CWF19L2: variants seen among roughly 807,000 people sequenced by gnomAD.
The protein encoded by CWF19L2 is CWF19 like cell cycle control factor 2.
A neutral mutation model predicts 111.7 loss-of-function variants in CWF19L2; 98 were observed. The ratio of observed to expected loss-of-function variants is 0.88; its 90% confidence interval spans 0.75 to 1.04. The LOEUF (loss-of-function observed/expected upper bound fraction) is 1.04, where lower values mean the gene tolerates loss of function less well. Ranked by LOEUF, CWF19L2 falls within the 50% of genes least tolerant of loss-of-function variation. CWF19L2 has a pLI of 0.00. For synonymous variants in CWF19L2, 351 were observed against 342.9 expected (o/e 1.02, Z -0.26); for missense variants, 1,101 against 1,051.4 (o/e 1.05, Z -0.65).
chr11:107,453,203 T>A (rs2135431158), intron 3 of CWF19L2, among the ~76,000 whole-genome samples: 1 of 152,260 alleles, frequency 6.6e-6, no homozygotes, highest in Admixed American at 6.5e-5. Flanking sequence ...ACACGAGACA[T>A]TACACAGTAG....
At chr11:107,329,523 T>A (rs1013975274) in intron 17 of CWF19L2, among the ~76,000 whole-genome samples, 2 of 152,188 alleles carry the variant, frequency 1.3e-5, no homozygotes, top group Admixed American at 1.3e-4. Flanking sequence ...AGTTTCTTCA[T>A]CTGTAAAGTG....
At chr11:107,378,758 A>G (rs369152316) in intron 12 of CWF19L2, among the ~76,000 whole-genome samples, 3 of 152,234 alleles carry the variant, frequency 2.0e-5, no homozygotes, top group South Asian at 2.1e-4. Flanking sequence ...CCTAAAGCTT[A>G]AAGTATAATA....
chr11:107,406,776 T>A (rs1861084404), intron 10 of CWF19L2, among the ~76,000 whole-genome samples: 1 of 151,674 alleles, frequency 6.6e-6, no homozygotes, highest in African/African-American at 2.4e-5. Context: ...TCTATTTATT[T>A]TTTATTTTCT....
Position 107,416,271 on chromosome 11 carries a change from G to T in CWF19L2, c.1555C>A (p.Leu519Ile). The stretch of plus-strand genomic sequence containing the variant: ...TCTTTGAATTTATTTGCCTTTTCAA[G>T]TTGAACTTTAAGTTGTTCAGCTAAT... ...MELAEQLKVQ[L>I]EKANKFKETI... The change falls in exon 10 of 18, where the codon CTT (leucine) becomes ATT (isoleucine). Residue 519 changes from leucine to isoleucine, a missense_variant. By Grantham distance (5) the Leu-to-Ile change is conservative. Transcript: ENST00000282251. 6.7e-7 allele frequency: 1 copy of T among 1,483,394 alleles called. No individual in the cohort carries two copies. The highest frequency in any genetic ancestry group is 9.0e-7 in the Non-Finnish European group (1 of 1,105,740). 91.9% of individuals were successfully genotyped at this position (1,483,394 alleles called of 1,614,324 possible). A position where few individuals can be genotyped will look rare whatever the true frequency, so the allele number is the denominator to read the frequency against.
intron 1 of CWF19L2, 75 bp from the exon 2 acceptor site, chr11:107,455,851 C>A: frequency 2.5e-6 from 2 of 805,928 alleles, no homozygotes. Flanking sequence ...AAAACAAAAA[C>A]CTCTGTCATT....
chr11:107,376,499 G>A (rs1272380278), intron 12 of CWF19L2, among the ~76,000 whole-genome samples: 4 of 81,544 alleles, frequency 4.9e-5, no homozygotes, highest in African/African-American at 1.5e-4. Flanking sequence ...TATAAACAGA[G>A]CCAAAGACAA....
intron 12 of CWF19L2, among the ~76,000 whole-genome samples, chr11:107,386,355 T>C (rs1351583028): frequency 2.6e-5 from 4 of 152,216 alleles, no homozygotes; most frequent in Admixed American, 1.3e-4. Context: ...TACATCTGTA[T>C]ACTAATACTC....
At chr11:107,452,850 A>C (rs1565291459) in intron 3 of CWF19L2, among the ~76,000 whole-genome samples, 2 of 152,106 alleles carry the variant, frequency 1.3e-5, no homozygotes, top group South Asian at 2.1e-4. Flanking sequence ...TCTGTACTAC[A>C]TCTGTAGTCA....
At chr11:107,456,698 C>T (rs891963650) in intron 1 of CWF19L2, among the ~76,000 whole-genome samples, 3 of 151,970 alleles carry the variant, frequency 2.0e-5, no homozygotes, top group Admixed American at 6.6e-5. Context: ...GTCCAACATT[C>T]TGCAGCTAGC....
chr11:107,397,652 C>T (rs978165506), intron 10 of CWF19L2, among the ~76,000 whole-genome samples: 2 of 152,104 alleles, frequency 1.3e-5, no homozygotes, highest in African/African-American at 4.8e-5. Context: ...ACCAGTCTCT[C>T]TCCACCCTAC....
At position 107,361,045 on chromosome 11, in the gene CWF19L2, T is replaced by C. The variant is rs573048466; in HGVS notation, c.1873-7309A>G. On this transcript the variant is annotated intron_variant, in intron 12 of 17. Transcript: ENST00000282251. ...TCGCCTAGATCAATGTCCAGAAGAG[T>C]TTCCCCTAGGTTTTCTTCTAGAGTT... 9.6e-4 allele frequency among the ~76,000 whole-genome samples: 146 copies of C among 152,286 alleles called. 2 individuals are homozygous for C. Among genetic ancestry groups the C allele is most frequent in the Middle Eastern group, 6.8e-3 (2 of 294 alleles).
At chr11:107,422,130 C>A (rs570928070) in intron 8 of CWF19L2, among the ~76,000 whole-genome samples, 9 of 152,026 alleles carry the variant, frequency 5.9e-5, no homozygotes, top group Admixed American at 2.0e-4. Flanking sequence ...AATGTATGAT[C>A]CCATTTACAT....
intron 8 of CWF19L2, among the ~76,000 whole-genome samples, chr11:107,419,343 A>G (rs1861271751): frequency 6.6e-6 from 1 of 152,240 alleles, no homozygotes; most frequent in Non-Finnish European, 1.5e-5. Flanking sequence ...TAATCAGAAC[A>G]ATATAAATAT....
chr11:107,328,925 G>A (rs1859802857), intron 17 of CWF19L2, among the ~76,000 whole-genome samples: 1 of 152,108 alleles, frequency 6.6e-6, no homozygotes, highest in African/African-American at 2.4e-5. Flanking sequence ...TTGTTATGCT[G>A]GTTAACCCAC....
chr11:107,353,794 C>A, intron 12 of CWF19L2, 58 bp from the exon 13 acceptor site: 1 of 1,278,840 alleles, frequency 7.8e-7, no homozygotes, highest in Non-Finnish European at 1.1e-6. Context: ...GATTTTACTG[C>A]ACTGTGGTAT....
chr11:107,410,155 G>A (rs947400144), intron 10 of CWF19L2, among the ~76,000 whole-genome samples: 8 of 152,068 alleles, frequency 5.3e-5, no homozygotes, highest in African/African-American at 1.4e-4. Flanking sequence ...CTGTTCAAGC[G>A]TTCTATGCAT....
intron 12 of CWF19L2, among the ~76,000 whole-genome samples, chr11:107,359,655 G>A (rs1357697753): frequency 6.6e-6 from 1 of 152,070 alleles, no homozygotes; most frequent in Admixed American, 6.6e-5. Flanking sequence ...GTTCACACCT[G>A]TAATCCCAGC....
intron 12 of CWF19L2, among the ~76,000 whole-genome samples, chr11:107,375,200 T>C (rs1355028799): frequency 1.5e-5 from 2 of 131,968 alleles, no homozygotes; most frequent in African/African-American, 6.0e-5. Context: ...CTGTCAACAT[T>C]AGACAGATCA....
intron 15 of CWF19L2, among the ~76,000 whole-genome samples, chr11:107,335,875 G>C (rs1859915821): frequency 1.3e-5 from 2 of 152,128 alleles, no homozygotes. Context: ...TGCTTGGCTT[G>C]ACACTGTAAT....
Sources: allele counts gnomAD v4.1 joint callset (sites outside exome capture counted in the v4.1 genomes callset), GRCh38; gene constraint gnomAD v4.1.1; transcripts MANE v1.5; gene names NCBI Gene and HGNC (gene_info 2026-07-23, HGNC 2026-07-21).